KMT2C: variants seen among roughly 807,000 people sequenced by gnomAD.
KMT2C encodes histone-lysine N-methyltransferase 2C.
KMT2C carries 88 observed loss-of-function variants against 507.9 expected under a neutral mutation model. The observed-to-expected ratio is 0.17, with a 90% CI of 0.15 to 0.21. The LOEUF is 0.21. KMT2C is among the 10% of genes least tolerant of loss of function. The probability of loss-of-function intolerance (pLI) is 1.00; values close to 1 mark genes in which losing one functional copy is unlikely to be tolerated. For missense variants in KMT2C, 4,954 were observed against 5,957.8 expected (o/e 0.83, Z 5.55); for synonymous variants, 2,049 against 2,080.8 (o/e 0.98, Z 0.42).
chr7:152,393,145 C>T (rs990290470), intron 1 of KMT2C, among the ~76,000 whole-genome samples: 2 of 152,126 alleles, frequency 1.3e-5, no homozygotes, highest in African/African-American at 4.8e-5. Context: ...ACCTCTATAA[C>T]TCACACATGA....
In KMT2C at chr7:152,177,517, T is replaced by C. The variant is rs2093256497; in HGVS notation, c.7936A>G (p.Met2646Val). 1 of 1,614,226 alleles carries C rather than the reference T, an allele frequency of 6.2e-7. No homozygotes were observed. Among genetic ancestry groups the C allele is most frequent in the Non-Finnish European group, 8.5e-7 (1 of 1,180,040 alleles). The change falls in exon 38 of 59, where the codon ATG (methionine) becomes GTG (valine). Residue 2646 changes from methionine to valine, a missense_variant. Met to Val is a conservative substitution (Grantham distance 21). Transcript: ENST00000262189. ...GHSVHSSSMV[M>V]RTLNHPLGGE... ...CCTAGTGGATGGTTCAGAGTCCTCA[T>C]GACCATAGAAGATGAATGGACAGAA...
In KMT2C at chr7:152,182,149, G is replaced by A. The variant is rs1335796621; in HGVS notation, c.5711C>T (p.Thr1904Ile). Residue 1904 changes from threonine to isoleucine, a missense_variant, in exon 36 of 59, where the codon ACC (threonine) becomes ATC (isoleucine). This residue lies in a region of KMT2C where 1,689 missense variants were observed against 1,654.3 expected (regional missense o/e 1.02). Coordinates refer to ENST00000262189, the MANE Select transcript of KMT2C (RefSeq NM_170606.3). ...PMDPYAKMVG[T>I]PRPPPVGHSF... ...ATGGCCCACAGGAGGTGGTCGAGGG[G>A]TACCAACCATTTTTGCATATGGATC... is the stretch of plus-strand genomic sequence containing the variant. 29 of 1,614,152 alleles carry A rather than the reference G, an allele frequency of 1.8e-5. No individual in the cohort carries two copies. The highest frequency in any genetic ancestry group is 2.4e-5 in the Non-Finnish European group (28 of 1,180,036).
intron 18 of KMT2C, among the ~76,000 whole-genome samples, chr7:152,227,899 G>A (rs766581997): frequency 2.0e-5 from 3 of 152,150 alleles, no homozygotes; most frequent in African/African-American, 7.2e-5. Flanking sequence ...AGACACTGGT[G>A]AACAGGGAGC....
chr7:152,311,758 C>A (rs371168334), intron 5 of KMT2C, 40 bp downstream of exon 5: 4 of 1,460,240 alleles, frequency 2.7e-6, no homozygotes, highest in Non-Finnish European at 3.7e-6. Flanking sequence ...AAAATGCTTC[C>A]AGAATTAAGA....
At position 152,154,086 on chromosome 7, in the gene KMT2C, G is replaced by T; in HGVS notation, c.12200C>A (p.Pro4067His). 6.2e-7 allele frequency: 1 copy of T among 1,614,072 alleles called. No individual in the cohort carries two copies. Among genetic ancestry groups the T allele is most frequent in the Non-Finnish European group, 8.5e-7 (1 of 1,179,942 alleles). The change falls in exon 48 of 59, where the codon CCT (proline) becomes CAT (histidine). Residue 4067 changes from proline (P) to histidine (H), a missense_variant. Physicochemically the swap from Pro to His is moderately conservative, Grantham distance 77 (BLOSUM62 -2). Transcript: ENST00000262189. ...TEPGTLYFAS[P>H]FGPSPNGPRS... Reference sequence around the variant, plus strand: ...GGGACCATTTGGGGAAGGACCAAAAGGTGACGCAAAATATAAAGTGCCTGG... The same window carrying T: ...GGGACCATTTGGGGAAGGACCAAAATGTGACGCAAAATATAAAGTGCCTGG...
chr7:152,147,928 A>G, intron 52 of KMT2C, 105 bp downstream of exon 52: 1 of 1,229,794 alleles, frequency 8.1e-7, no homozygotes, highest in Non-Finnish European at 1.1e-6. Context: ...CACATTATAA[A>G]ATATAAAACT....
At chr7:152,321,166 G>A (rs1401995793) in intron 3 of KMT2C, among the ~76,000 whole-genome samples, 1 of 151,896 alleles carries the variant, frequency 6.6e-6, no homozygotes, top group East Asian at 1.9e-4. Context: ...CCTAGGAGGT[G>A]GTGGTTCCAG....
intron 14 of KMT2C, among the ~76,000 whole-genome samples, chr7:152,246,062 T>C (rs528449098): frequency 6.7e-4 from 102 of 152,296 alleles, no homozygotes; most frequent in Non-Finnish European, 1.2e-3. Context: ...ACTTCAGTAT[T>C]TCTAATATAC....
At chr7:152,358,560 T>G in intron 2 of KMT2C, 27 bp downstream of exon 2, 1 of 1,356,660 alleles carries the variant, frequency 7.4e-7, no homozygotes, top group Non-Finnish European at 1.1e-6. Flanking sequence ...TCATTATACA[T>G]TCTTATAAAT....
chr7:152,221,566 C>A (rs1379708385), intron 22 of KMT2C, among the ~76,000 whole-genome samples: 1 of 152,054 alleles, frequency 6.6e-6, no homozygotes, highest in East Asian at 1.9e-4. Flanking sequence ...GTATCAGGTG[C>A]TATTAAATAC....
intron 2 of KMT2C, among the ~76,000 whole-genome samples, chr7:152,352,003 G>C (rs2097114819): frequency 6.6e-6 from 1 of 152,198 alleles, no homozygotes; most frequent in Non-Finnish European, 1.5e-5. Flanking sequence ...CTTGAACTCT[G>C]ACCGCTGGTG....
At chr7:152,227,652 A>G (rs4024408) in intron 18 of KMT2C, among the ~76,000 whole-genome samples, 10 of 152,326 alleles carry the variant, frequency 6.6e-5, no homozygotes, top group South Asian at 2.1e-4. Context: ...TAGGGAAGGC[A>G]AGGCAGTGGA....
At chr7:152,175,400 T>C (rs752781549) in intron 38 of KMT2C, among the ~76,000 whole-genome samples, 3 of 152,058 alleles carry the variant, frequency 2.0e-5, no homozygotes, top group Non-Finnish European at 1.5e-5. Context: ...ACATATGTCA[T>C]GGTGGTTTGC....
At chr7:152,272,141 T>G (rs1326791684) in intron 7 of KMT2C, among the ~76,000 whole-genome samples, 1 of 152,232 alleles carries the variant, frequency 6.6e-6, no homozygotes, top group East Asian at 1.9e-4. Context: ...TACTCATAAT[T>G]TTAGTGTATC....
intron 9 of KMT2C, among the ~76,000 whole-genome samples, chr7:152,258,502 TTGTTGTTGTTGTTGTTGC>T (rs1310083643): frequency 6.6e-6 from 1 of 151,786 alleles, no homozygotes; most frequent in Non-Finnish European, 1.5e-5. Flanking sequence ...AGTAAGTTTG[TTGTTGTTGTTGTTGTTGC>T]TGTTGTTGTT....
chr7:152,250,104 A>C (rs2095540149), intron 12 of KMT2C, 151 bp from the exon 13 acceptor site: 1 of 514,508 alleles, frequency 1.9e-6, no homozygotes, highest in Admixed American at 3.6e-5. Flanking sequence ...GTAAGTTATG[A>C]AGACAAAATT....
rs578262828 is a variant in KMT2C at position 152,246,450 on chromosome 7, T to A, written c.2532+1452A>T. 5.3e-5 allele frequency among the ~76,000 whole-genome samples: 8 copies of A among 152,134 alleles called. No homozygotes were observed. The South Asian group carries it at 1.4e-3, about 28-fold the overall frequency. On this transcript the variant is annotated intron_variant, in intron 14 of 58. Transcript: ENST00000262189. ...CCTGGAAATACACCCCCCTCCCCAA[T>A]ATTTCGGAACATAAAGTCTACAGAA...
At chr7:152,415,419 T>A (rs1483249864) in intron 1 of KMT2C, among the ~76,000 whole-genome samples, 1 of 152,164 alleles carries the variant, frequency 6.6e-6, no homozygotes, top group Non-Finnish European at 1.5e-5. Flanking sequence ...ATGGGACTTT[T>A]CACTACACAA....
intron 6 of KMT2C, among the ~76,000 whole-genome samples, chr7:152,282,142 C>A (rs1390703256): frequency 1.3e-5 from 2 of 151,972 alleles, no homozygotes; most frequent in Non-Finnish European, 2.9e-5. Context: ...AAAAAAAATA[C>A]AAAAATTAGC....
Sources: allele counts gnomAD v4.1 joint callset (sites outside exome capture counted in the v4.1 genomes callset), GRCh38; gene constraint gnomAD v4.1.1; regional missense constraint gnomAD v4.1.1; transcripts MANE v1.5; gene names NCBI Gene and HGNC (gene_info 2026-07-23, HGNC 2026-07-21).